The following AKAP8 variants were observed in gnomAD, a reference collection of about 807,000 sequenced individuals.
AKAP8 encodes the protein A-kinase anchor protein 8.
AKAP8 carries 24 observed loss-of-function variants against 67.5 expected under a neutral mutation model. The observed-to-expected ratio is 0.36, with a 90% CI of 0.26 to 0.50. The LOEUF is 0.50. Ranked by LOEUF, AKAP8 falls within the 20% of genes least tolerant of loss-of-function variation. The pLI, the probability that AKAP8 is intolerant of heterozygous loss-of-function variation, is 0.97. For synonymous variants in AKAP8, 400 were observed against 371.1 expected (o/e 1.08, Z -0.90); for missense variants, 971 against 955.9 (o/e 1.02, Z -0.21).
intron 4 of AKAP8, 77 bp downstream of exon 4, chr19:15,373,709 A>G: frequency 6.7e-7 from 1 of 1,485,276 alleles, no homozygotes; most frequent in South Asian, 1.3e-5. Flanking sequence ...CCCTCCCTCA[A>G]GAGTGGGTGC....
rs570645149 is a variant in AKAP8, at chr19:15,360,111, G to A, written c.1527+737C>T. On this transcript the variant is annotated intron_variant, in intron 12 of 13. Coordinates refer to ENST00000269701, the MANE Select transcript of AKAP8 (RefSeq NM_005858.4). ...GATCGTGCCACTGCACTCCAGCCTG[G>A]GCAACAAGAGTGAAACTCCGTAAAA... Among the ~76,000 whole-genome samples, 25 of 152,026 alleles carry A rather than the reference G, an allele frequency of 1.6e-4. No homozygotes were observed. In the South Asian group the frequency reaches 4.2e-3, roughly 25 times the overall value.
In AKAP8 at chr19:15,354,022, T is replaced by C. The variant is rs984314233; in HGVS notation, c.*893A>G. 1.0e-5 allele frequency: 1 copy of C among 95,550 alleles called. No individual in the cohort carries two copies. The highest frequency in any genetic ancestry group is 2.7e-5 in the Non-Finnish European group (1 of 37,518). The allele number at this position is 95,550 out of a possible 1,614,324, so 5.9% of individuals were successfully genotyped here. A position where few individuals can be genotyped will look rare whatever the true frequency, so the allele number is the denominator to read the frequency against. ...GGCAATCACATCAAGTTTTCTTTCCTTTTTTTTTAAGAGATGGGGTCTTGC... is the reference window on the plus strand; with the variant it reads ...GGCAATCACATCAAGTTTTCTTTCCCTTTTTTTTAAGAGATGGGGTCTTGC... On this transcript the variant is annotated 3_prime_UTR_variant, in exon 14 of 14. Transcript: ENST00000269701.
Position 15,369,963 on chromosome 19 carries a change from G to A in AKAP8, c.1072+183C>T, listed in dbSNP as rs1555755636. On this transcript the variant is annotated intron_variant, in intron 8 of 13. Transcript: ENST00000269701. The surrounding 1 kb of genome is among the most constrained non-coding windows in gnomAD (Gnocchi z 4.6). The stretch of plus-strand genomic sequence containing the variant: ...CCCGTTTCCAGTAAATGCTGCCCCA[G>A]ACACTTTGAAGCAAAGTGTTGGCTG... Among the ~76,000 whole-genome samples the A allele has an allele frequency of 1.3e-5, 2 of 152,138 alleles. No individual in the cohort carries two copies. The highest frequency in any genetic ancestry group is 2.4e-5 in the African/African-American group (1 of 41,422).
At chr19:15,365,361 AG>A (rs1347000271) in intron 9 of AKAP8, among the ~76,000 whole-genome samples, 1 of 152,254 alleles carries the variant, frequency 6.6e-6, no homozygotes, top group Non-Finnish European at 1.5e-5. Flanking sequence ...TCTTTGTCAC[AG>A]GCTTTCAAAG....
intron 9 of AKAP8, 61 bp from the exon 10 acceptor site, chr19:15,362,312 C>G: frequency 6.3e-7 from 1 of 1,585,660 alleles, no homozygotes; most frequent in Non-Finnish European, 8.6e-7. Flanking sequence ...AAGCAGGGGG[C>G]ATCAGCTCAC....
At chr19:15,377,494 G>A (rs771133968) in intron 1 of AKAP8, among the ~76,000 whole-genome samples, 5 of 152,082 alleles carry the variant, frequency 3.3e-5, no homozygotes, top group Admixed American at 6.5e-5. Context: ...TTTGAGGCGG[G>A]GTCTTGCTCT....
rs569460995 is a variant in AKAP8, at chr19:15,368,927, A to G, written c.1073-605T>C. On this transcript the variant is annotated intron_variant, in intron 8 of 13. Transcript: ENST00000269701. ...AGCAATCCTAGAAAAAAATTTGGGA[A>G]GAGACCAATTGGTCCTCCCGTCCGT... 4.8e-4 allele frequency: 470 copies of G among 986,084 alleles called. No homozygotes were observed. The African/African-American group carries it at 7.3e-3, about 15-fold the overall frequency. 61.1% of individuals were successfully genotyped at this position (986,084 alleles called of 1,614,324 possible). A position where few individuals can be genotyped will look rare whatever the true frequency, so the allele number is the denominator to read the frequency against.
At position 15,365,506 on chromosome 19, in the gene AKAP8, G is replaced by C. The variant is rs188402080; in HGVS notation, c.1160+2729C>G. 7.9e-5 allele frequency among the ~76,000 whole-genome samples: 12 copies of C among 152,302 alleles called. No homozygotes were observed. The East Asian group carries it at 1.9e-3, about 25-fold the overall frequency. ...CTTCTGGTGTAGGGGTGCAGGCCCT[G>C]TGGCACTCAGGACTTCACCTCTGCC... On this transcript the variant is annotated intron_variant, in intron 9 of 13. Coordinates refer to ENST00000269701, the MANE Select transcript of AKAP8 (RefSeq NM_005858.4).
rs1483460306 is a variant in AKAP8, at chr19:15,368,245, C to G, written c.1150G>C (p.Ala384Pro). Residue 384 changes from alanine (A) to proline (P), a missense_variant, in exon 9 of 14, where the codon GCA (alanine) becomes CCA (proline). Physicochemically the swap from Ala to Pro is conservative, Grantham distance 27 (BLOSUM62 -1). This residue lies in a region of AKAP8 where 763 missense variants were observed against 745.4 expected (regional missense o/e 1.02). Coordinates refer to ENST00000269701, the MANE Select transcript of AKAP8 (RefSeq NM_005858.4). Reference protein sequence around the residue: ...QRRRDRTRDRAADRIQFACSV... With the variant: ...QRRRDRTRDRPADRIQFACSV... ...GTGCCCGCGCCTCACCTGTCGGCTGCACGGTCCCGCGTCCTGTCTCTTCTC... is the reference window on the plus strand; with the variant it reads ...GTGCCCGCGCCTCACCTGTCGGCTGGACGGTCCCGCGTCCTGTCTCTTCTC... The G allele has an allele frequency of 1.2e-6, 2 of 1,612,304 alleles. No individual in the cohort carries two copies. Among genetic ancestry groups the G allele is most frequent in the Non-Finnish European group, 1.7e-6 (2 of 1,179,932 alleles).
chr19:15,363,332 C>A (rs1967007670), intron 9 of AKAP8, among the ~76,000 whole-genome samples: 1 of 135,542 alleles, frequency 7.4e-6, no homozygotes, highest in Non-Finnish European at 1.6e-5. Context: ...GCCCGGCCAG[C>A]CGCTCCGTCC....
chr19:15,363,633 A>G (rs4273162), intron 9 of AKAP8, among the ~76,000 whole-genome samples: 120,944 of 148,850 alleles, frequency 0.81, 49,543 homozygotes, highest in East Asian at 0.99. Context: ...CCCTCTGCCC[A>G]GCCACCACCC....
At chr19:15,379,442 C>T (rs1049608937) in intron 1 of AKAP8, 1 of 453,852 alleles carries the variant, frequency 2.2e-6, no homozygotes, top group Non-Finnish European at 3.8e-6. Context: ...CTGTCTAAGA[C>T]GCCCCCACGA....
intron 7 of AKAP8, 57 bp downstream of exon 7, chr19:15,371,895 G>A: frequency 4.4e-6 from 7 of 1,580,950 alleles, no homozygotes; most frequent in Non-Finnish European, 6.1e-6. Flanking sequence ...GAGGAAGGGT[G>A]ATTAAAGAAA....
At position 15,372,321 on chromosome 19, in the gene AKAP8, G is replaced by A. The variant is rs139735494; in HGVS notation, c.888C>T (p.Phe296=). 1.5e-4 allele frequency: 237 copies of A among 1,614,024 alleles called. No homozygotes were observed. The highest frequency in any genetic ancestry group is 1.8e-4 in the Non-Finnish European group (214 of 1,180,040). Reference sequence around the variant, plus strand: ...GTTTCCTGCCCGTGCCATCTGGTCCGAAGCGGTCAAACCCTCTCCTCTTGG... The same window carrying A: ...GTTTCCTGCCCGTGCCATCTGGTCCAAAGCGGTCAAACCCTCTCCTCTTGG... ...DRPKRRGFDR[F]GPDGTGRKRK... The change falls in exon 6 of 14, where the codon TTC becomes TTT. Residue 296 remains phenylalanine, a synonymous_variant. Coordinates refer to ENST00000269701, the MANE Select transcript of AKAP8 (RefSeq NM_005858.4).
At position 15,372,841 on chromosome 19, in the gene AKAP8, G is replaced by C; in HGVS notation, c.861+10C>G. On this transcript the variant is annotated intron_variant, in intron 5 of 13. Transcript: ENST00000269701. Reference sequence around the variant, plus strand: ...CGAAGGCGGCCGGAAGGAACCTTGCGAGGGCTTACCCGATCCCGATCCCGC... The same window carrying C: ...CGAAGGCGGCCGGAAGGAACCTTGCCAGGGCTTACCCGATCCCGATCCCGC... The C allele has an allele frequency of 2.0e-6, 3 of 1,488,910 alleles. No homozygotes were observed. The highest frequency in any genetic ancestry group is 1.4e-5 in the South Asian group (1 of 69,706). 92.2% of individuals were successfully genotyped at this position (1,488,910 alleles called of 1,614,324 possible).
intron 4 of AKAP8, 104 bp from the exon 5 acceptor site, chr19:15,373,444 A>C: frequency 6.9e-7 from 1 of 1,439,164 alleles, no homozygotes; most frequent in Non-Finnish European, 9.2e-7. Context: ...AGCAAACCAA[A>C]CCACCCTGCA....
intron 8 of AKAP8, 50 bp downstream of exon 8, chr19:15,370,096 G>A: frequency 1.2e-6 from 2 of 1,610,438 alleles, no homozygotes; most frequent in Non-Finnish European, 1.7e-6. Context: ...AGTAAGTGCG[G>A]GGCAGCTGGG....
intron 2 of AKAP8, among the ~76,000 whole-genome samples, chr19:15,375,803 A>AT (rs971662468): frequency 4.6e-5 from 7 of 151,656 alleles, no homozygotes; most frequent in East Asian, 3.9e-4. Flanking sequence ...CGCCCGGCTA[A>AT]TTTTTTTTGT....
At chr19:15,377,839 G>A (rs1412175067) in intron 1 of AKAP8, among the ~76,000 whole-genome samples, 2 of 152,120 alleles carry the variant, frequency 1.3e-5, no homozygotes, top group Admixed American at 6.5e-5. Flanking sequence ...CTGGCCCTAA[G>A]GCATCAGACA....
Sources: allele counts gnomAD v4.1 joint callset (sites outside exome capture counted in the v4.1 genomes callset), GRCh38; gene constraint gnomAD v4.1.1; regional missense constraint gnomAD v4.1.1; non-coding constraint Gnocchi (gnomAD v3.1); transcripts MANE v1.5; gene names NCBI Gene and HGNC (gene_info 2026-07-23, HGNC 2026-07-21).